The following DNAI2 variants were observed in gnomAD, a reference collection of about 807,000 sequenced individuals.
DNAI2 encodes the protein dynein, axonemal, intermediate polypeptide 2.
DNAI2 carries 63 observed loss-of-function variants against 74.7 expected under a neutral mutation model. The observed-to-expected ratio is 0.84, with a 90% CI of 0.69 to 1.04. The LOEUF (loss-of-function observed/expected upper bound fraction) is 1.04, where lower values mean the gene tolerates loss of function less well. Ranked by LOEUF, DNAI2 falls within the 50% of genes least tolerant of loss-of-function variation. The pLI is 0.00. For synonymous variants in DNAI2, 289 were observed against 314.9 expected (o/e 0.92, Z 0.87); for missense variants, 688 against 803.2 (o/e 0.86, Z 1.73).
In DNAI2 at chr17:74,301,173, G is replaced by A; in HGVS notation, c.987+5G>A. 1 of 1,613,550 alleles carries A rather than the reference G, an allele frequency of 6.2e-7. No homozygotes were observed. The highest frequency in any genetic ancestry group is 8.5e-7 in the Non-Finnish European group (1 of 1,179,620). ...CTGGAGTTCGAATCTACTTTGGTGAGTGTCCCTTGCTGTCCCTTCCCCGAC... is the reference window on the plus strand; with the variant it reads ...CTGGAGTTCGAATCTACTTTGGTGAATGTCCCTTGCTGTCCCTTCCCCGAC... On this transcript the variant is annotated splice_donor_5th_base_variant and intron_variant, in intron 8 of 13. Transcript: ENST00000311014.
chr17:74,305,158 C>T, intron 8 of DNAI2, 61 bp from the exon 9 acceptor site: 1 of 1,576,342 alleles, frequency 6.3e-7, no homozygotes. Flanking sequence ...CTGTCCATGC[C>T]CGCTAATCCC....
At chr17:74,302,350 C>T (rs913584476) in intron 8 of DNAI2, among the ~76,000 whole-genome samples, 12 of 152,154 alleles carry the variant, frequency 7.9e-5, no homozygotes. Flanking sequence ...GGCGGATCAC[C>T]TGAGGTTGGG....
At position 74,301,030 on chromosome 17, in the gene DNAI2, C is replaced by T. The variant is rs1411807961; in HGVS notation, c.865-16C>T. ...ACAGGGCCTCGAAGTCTCACTGTCGCCCCTCCTCCCACCAGGTCATGTGGT... is the reference window on the plus strand; with the variant it reads ...ACAGGGCCTCGAAGTCTCACTGTCGTCCCTCCTCCCACCAGGTCATGTGGT... On this transcript the variant is annotated splice_polypyrimidine_tract_variant and intron_variant, in intron 7 of 13. Coordinates refer to ENST00000311014, the MANE Select transcript of DNAI2 (RefSeq NM_023036.6). The T allele has an allele frequency of 6.2e-7, 1 of 1,613,584 alleles. No homozygotes were observed. The highest frequency in any genetic ancestry group is 2.2e-5 in the East Asian group (1 of 44,862).
intron 6 of DNAI2, among the ~76,000 whole-genome samples, chr17:74,292,703 C>T (rs1331216718): frequency 6.6e-6 from 1 of 151,876 alleles, no homozygotes; most frequent in Non-Finnish European, 1.5e-5. Context: ...TGAACCACCA[C>T]ACCTGGCCTG....
chr17:74,281,247 A>G (rs1165647092), intron 1 of DNAI2, among the ~76,000 whole-genome samples: 1 of 152,090 alleles, frequency 6.6e-6, no homozygotes, highest in Non-Finnish European at 1.5e-5. Flanking sequence ...CCTTCAAAGA[A>G]AATGGTGATT....
intron 3 of DNAI2, among the ~76,000 whole-genome samples, chr17:74,285,794 T>C (rs2051684124): frequency 6.6e-6 from 1 of 151,536 alleles, no homozygotes; most frequent in African/African-American, 2.4e-5. Flanking sequence ...GGAGGGAGGG[T>C]CAATCTCCTG....
At chr17:74,279,929 CT>C (rs1482326415) in intron 1 of DNAI2, among the ~76,000 whole-genome samples, 3 of 152,228 alleles carry the variant, frequency 2.0e-5, no homozygotes, top group African/African-American at 7.2e-5. Context: ...TCATCCACAT[CT>C]TTTGTCCTAA....
intron 11 of DNAI2, 114 bp from the exon 12 acceptor site, chr17:74,311,889 G>A (rs2053547608): frequency 2.0e-6 from 2 of 985,790 alleles, no homozygotes; most frequent in Non-Finnish European, 3.1e-6. Flanking sequence ...TACAGTACAG[G>A]GACTGTATGG....
Position 74,274,284 on chromosome 17 carries a change from GAGCCGCGACC to G in DNAI2, c.-72_-63del, listed in dbSNP as rs5822035. The G allele has an allele frequency of 0.27, 41,697 of 152,014 alleles. 7,254 individuals are homozygous for G. Among genetic ancestry groups the G allele is most frequent in the East Asian group, 0.78 (3,994 of 5,144 alleles). The allele number at this position is 152,014 out of a possible 1,614,324, so 9.4% of individuals were successfully genotyped here. The stretch of plus-strand genomic sequence containing the variant: ...AAACGCCGCCGTTTGAGGAGCACCG[GAGCCGCGACC>G]GTGGATTGAACGCTTCCCCAGAGAC... On this transcript the variant is annotated 5_prime_UTR_variant, in exon 1 of 14. Transcript: ENST00000311014.
chr17:74,292,219 T>C (rs183929301), intron 6 of DNAI2, among the ~76,000 whole-genome samples: 185 of 152,338 alleles, frequency 1.2e-3, no homozygotes, highest in African/African-American at 4.0e-3. Flanking sequence ...ATCTGGTCCC[T>C]GGCTTTTCTT....
At chr17:74,287,355 T>A (rs568860167) in intron 4 of DNAI2, among the ~76,000 whole-genome samples, 2 of 152,346 alleles carry the variant, frequency 1.3e-5, no homozygotes, top group East Asian at 3.9e-4. Context: ...GGCATGTTCC[T>A]GCAGGGCAGA....
In DNAI2 at chr17:74,282,007, C is replaced by G; in HGVS notation, c.183+7C>G. ...CAGCATGTCGGAACACGAGGTGGGT[C>G]CCTGCCCCAAGGGCCCTGGCCTGTC... On this transcript the variant is annotated splice_region_variant and intron_variant, in intron 2 of 13. Transcript: ENST00000311014. 6.2e-7 allele frequency: 1 copy of G among 1,613,748 alleles called. No individual in the cohort carries two copies. Among genetic ancestry groups the G allele is most frequent in the Non-Finnish European group, 8.5e-7 (1 of 1,179,954 alleles).
At position 74,314,239 on chromosome 17, in the gene DNAI2, C is replaced by T. The variant is rs1042115084; in HGVS notation, c.*23C>T. On this transcript the variant is annotated 3_prime_UTR_variant, in exon 13 of 14. Transcript: ENST00000311014. Reference sequence around the variant, plus strand: ...TAGAAGTCAGCCTTCGACTGCGGCGCTATCCCTGTGTGCCTTCCTTTCCCA... The same window carrying T: ...TAGAAGTCAGCCTTCGACTGCGGCGTTATCCCTGTGTGCCTTCCTTTCCCA... 1 of 1,613,672 alleles carries T rather than the reference C, an allele frequency of 6.2e-7. No individual in the cohort carries two copies. Among genetic ancestry groups the T allele is most frequent in the African/African-American group, 1.3e-5 (1 of 74,932 alleles).
At chr17:74,275,367 C>T (rs924597737) in intron 1 of DNAI2, among the ~76,000 whole-genome samples, 1 of 152,116 alleles carries the variant, frequency 6.6e-6, no homozygotes, top group Non-Finnish European at 1.5e-5. Flanking sequence ...GGAGGTCTGC[C>T]TCTTTTGAGG....
Position 74,305,413 on chromosome 17 carries a change from C to T in DNAI2, c.1182C>T (p.Asp394=). Residue 394 remains aspartate (D), a synonymous_variant, in exon 9 of 14, where the codon GAC becomes GAT. Coordinates refer to ENST00000311014, the MANE Select transcript of DNAI2 (RefSeq NM_023036.6). ...GDWTARIWSE[D]SRESSIMWTK... ...GGACAGCCCGCATTTGGTCTGAAGA[C>T]AGCCGGGAATCGTCCATCATGTGGA... is the stretch of plus-strand genomic sequence containing the variant. The T allele has an allele frequency of 1.9e-6, 3 of 1,614,186 alleles. No homozygotes were observed. The highest frequency in any genetic ancestry group is 1.1e-5 in the South Asian group (1 of 91,080).
intron 6 of DNAI2, among the ~76,000 whole-genome samples, chr17:74,294,256 C>T (rs955643024): frequency 4.0e-5 from 6 of 151,224 alleles, no homozygotes; most frequent in Admixed American, 4.0e-4. Context: ...TTCTTTTGTG[C>T]CACGTATTTT....
Position 74,301,065 on chromosome 17 carries a change from G to GA in DNAI2, c.887dup (p.Met297AspfsTer6). On this transcript the variant is annotated frameshift_variant, in exon 8 of 14. Transcript: ENST00000311014. LOFTEE classifies it high-confidence loss of function. ...CACCAGGTCATGTGGTGGGACATCC[G>GA]AAAGATGAGCGAGCCCACTGAAGTT... The GA allele has an allele frequency of 3.7e-6, 6 of 1,614,012 alleles. No individual in the cohort carries two copies. The highest frequency in any genetic ancestry group is 4.2e-6 in the Non-Finnish European group (5 of 1,179,944).
In DNAI2 at chr17:74,290,955, G is replaced by A; in HGVS notation, c.611-65G>A. 7 of 1,452,956 alleles carry A rather than the reference G, an allele frequency of 4.8e-6. No homozygotes were observed. In the South Asian group the frequency reaches 8.0e-5, roughly 17 times the overall value. 90.0% of individuals were successfully genotyped at this position (1,452,956 alleles called of 1,614,324 possible). On this transcript the variant is annotated intron_variant, in intron 5 of 13. Coordinates refer to ENST00000311014, the MANE Select transcript of DNAI2 (RefSeq NM_023036.6). Reference sequence around the variant, plus strand: ...CCCGCTACCCACCCGCAGAAGGGGTGAAACTGGTTGATCCTGTCCTTTTCT... The same window carrying A: ...CCCGCTACCCACCCGCAGAAGGGGTAAAACTGGTTGATCCTGTCCTTTTCT...
intron 5 of DNAI2, among the ~76,000 whole-genome samples, chr17:74,290,383 T>C (rs2052013721): frequency 6.6e-6 from 1 of 152,138 alleles, no homozygotes; most frequent in Admixed American, 6.6e-5. Flanking sequence ...GAATGGAACT[T>C]GTGCCTTTGT....
Sources: allele counts gnomAD v4.1 joint callset (sites outside exome capture counted in the v4.1 genomes callset), GRCh38; gene constraint gnomAD v4.1.1; transcripts MANE v1.5; gene names NCBI Gene and HGNC (gene_info 2026-07-23, HGNC 2026-07-21).